The following ENOX1 variants were observed in gnomAD, a reference collection of about 807,000 sequenced individuals.
The protein encoded by ENOX1 is candidate growth-related and time keeping constitutive hydroquinone (NADH) oxidase.
ENOX1 carries 42 observed loss-of-function variants against 82.5 expected under a neutral mutation model. That is an observed-to-expected ratio of 0.51 (90% CI 0.40 to 0.66). ENOX1 has a LOEUF of 0.66. Ranked by LOEUF, ENOX1 falls within the 30% of genes least tolerant of loss-of-function variation. The probability of loss-of-function intolerance (pLI) is 0.00; values close to 1 mark genes in which losing one functional copy is unlikely to be tolerated. For missense variants in ENOX1, 608 were observed against 811.6 expected (o/e 0.75, Z 3.05); for synonymous variants, 271 against 282.2 (o/e 0.96, Z 0.40).
At chr13:43,754,300 C>A (rs777824634) in intron 1 of ENOX1, among the ~76,000 whole-genome samples, 3 of 116,032 alleles carry the variant, frequency 2.6e-5, no homozygotes, top group Non-Finnish European at 3.8e-5. Flanking sequence ...CACATATATG[C>A]GTGTATGTAT....
At chr13:43,636,320 G>T (rs758193811) in intron 2 of ENOX1, among the ~76,000 whole-genome samples, 2 of 152,138 alleles carry the variant, frequency 1.3e-5, no homozygotes, top group Non-Finnish European at 2.9e-5. Flanking sequence ...TGAAGTTTTT[G>T]CATTTAAAGT....
chr13:43,752,008 A>G (rs1028017595), intron 1 of ENOX1, among the ~76,000 whole-genome samples: 5 of 152,208 alleles, frequency 3.3e-5, no homozygotes, highest in Non-Finnish European at 7.3e-5. Flanking sequence ...CAGTGTGTGA[A>G]AATTCCATTT....
intron 2 of ENOX1, among the ~76,000 whole-genome samples, chr13:43,619,956 T>C (rs540897108): frequency 3.3e-5 from 5 of 152,284 alleles, no homozygotes; most frequent in African/African-American, 9.6e-5. Flanking sequence ...GTTCAGGGTA[T>C]CTAACTCTTC....
Position 43,246,762 on chromosome 13 carries a change from A to T in ENOX1, c.1612-10024T>A, listed in dbSNP as rs931613085. ...TGCAGGATTGGCTGGGCAGGTGGAGAGGCTCAGGCAAGGAGGCCCCAGGTG... is the reference window on the plus strand; with the variant it reads ...TGCAGGATTGGCTGGGCAGGTGGAGTGGCTCAGGCAAGGAGGCCCCAGGTG... On this transcript the variant is annotated intron_variant, in intron 14 of 16. Transcript: ENST00000690772. Among the ~76,000 whole-genome samples the T allele has an allele frequency of 3.3e-5, 5 of 152,220 alleles. No homozygotes were observed. In the Middle Eastern group the frequency reaches 0.014, roughly 414 times the overall value.
At chr13:43,418,901 T>A (rs2054801193) in intron 3 of ENOX1, among the ~76,000 whole-genome samples, 1 of 152,216 alleles carries the variant, frequency 6.6e-6, no homozygotes, top group East Asian at 1.9e-4. Context: ...ATCAAGTCTA[T>A]GAAAATACTA....
chr13:43,634,092 C>T (rs1302029515), intron 2 of ENOX1, among the ~76,000 whole-genome samples: 1 of 152,074 alleles, frequency 6.6e-6, no homozygotes, highest in Non-Finnish European at 1.5e-5. Context: ...ATATTTGAAC[C>T]GGCCAACAGA....
intron 1 of ENOX1, among the ~76,000 whole-genome samples, chr13:43,781,269 G>A (rs1480716997): frequency 6.6e-6 from 1 of 152,132 alleles, no homozygotes; most frequent in Non-Finnish European, 1.5e-5. Flanking sequence ...CAAAGAGGGA[G>A]AGATGATGCA....
intron 3 of ENOX1, among the ~76,000 whole-genome samples, chr13:43,478,468 A>G (rs1593405828): frequency 6.6e-6 from 1 of 152,298 alleles, no homozygotes; most frequent in Non-Finnish European, 1.5e-5. Context: ...AAGACAAGAC[A>G]GAAAAATCCC....
chr13:43,546,161 A>C (rs2078965907), intron 2 of ENOX1: 1 of 152,290 alleles, frequency 6.6e-6, no homozygotes, highest in Non-Finnish European at 1.5e-5. Flanking sequence ...GACAAAACAG[A>C]CAAGCTAAAA....
chr13:43,502,128 A>C (rs2077002624), intron 2 of ENOX1, among the ~76,000 whole-genome samples: 1 of 151,648 alleles, frequency 6.6e-6, no homozygotes, highest in Admixed American at 6.6e-5. Flanking sequence ...ACCTAGGAGA[A>C]ATGAATACAT....
At chr13:43,782,147 T>C (rs991963910) in intron 1 of ENOX1, among the ~76,000 whole-genome samples, 3 of 152,214 alleles carry the variant, frequency 2.0e-5, no homozygotes, top group Admixed American at 2.0e-4. Context: ...AAAATGTAAG[T>C]ATTGTGTGTG....
intron 2 of ENOX1, among the ~76,000 whole-genome samples, chr13:43,489,899 T>G (rs2153661177): frequency 6.6e-6 from 1 of 152,288 alleles, no homozygotes; most frequent in Non-Finnish European, 1.5e-5. Flanking sequence ...ATTTCTCCCT[T>G]TTGGAATGGA....
chr13:43,698,349 T>C (rs2086743287), intron 1 of ENOX1, among the ~76,000 whole-genome samples: 1 of 151,918 alleles, frequency 6.6e-6, no homozygotes, highest in African/African-American at 2.4e-5. Flanking sequence ...GAAGCTACAG[T>C]AAAAACAAAG....
intron 1 of ENOX1, among the ~76,000 whole-genome samples, chr13:43,686,891 T>C (rs534650630): frequency 4.3e-4 from 66 of 152,168 alleles, no homozygotes; most frequent in Non-Finnish European, 7.5e-4. Flanking sequence ...ACTCTCTCCA[T>C]CACAGCCCCA....
intron 11 of ENOX1, among the ~76,000 whole-genome samples, chr13:43,311,081 T>TTGGTCA: frequency 6.6e-6 from 1 of 151,896 alleles, no homozygotes; most frequent in Non-Finnish European, 1.5e-5. Context: ...AGGTGATACT[T>TTGGTCA]TGGGGACTAC....
At chr13:43,315,904 G>A (rs1381498311) in intron 11 of ENOX1, among the ~76,000 whole-genome samples, 2 of 152,198 alleles carry the variant, frequency 1.3e-5, no homozygotes, top group Non-Finnish European at 2.9e-5. Context: ...AAACTGTAAT[G>A]TAGATAATGG....
intron 1 of ENOX1, among the ~76,000 whole-genome samples, chr13:43,761,448 A>G (rs1227668038): frequency 6.6e-6 from 1 of 152,228 alleles, no homozygotes; most frequent in Non-Finnish European, 1.5e-5. Context: ...TTTTATACAG[A>G]GAAAAAACAC....
intron 8 of ENOX1, among the ~76,000 whole-genome samples, chr13:43,351,934 T>C (rs2049834030): frequency 6.6e-6 from 1 of 152,156 alleles, no homozygotes; most frequent in South Asian, 2.1e-4. Context: ...CAATAACACA[T>C]AAGGAAATAA....
chr13:43,759,761 A>C (rs539514362), intron 1 of ENOX1, among the ~76,000 whole-genome samples: 2 of 151,838 alleles, frequency 1.3e-5, no homozygotes, highest in Non-Finnish European at 2.9e-5. Context: ...AGTTAAAGAT[A>C]CTGTATTTAC....
Sources: gnomAD v4.1 joint callset for allele counts (sites outside exome capture counted in the v4.1 genomes callset) on GRCh38, gnomAD v4.1.1 for gene constraint, MANE v1.5 for transcripts, NCBI Gene and HGNC (gene_info 2026-07-23, HGNC 2026-07-21) for gene names.